The following MDGA2 variants were observed in gnomAD, a reference collection of about 807,000 sequenced individuals.
MDGA2 encodes the protein MAM domain-containing glycosylphosphatidylinositol anchor protein 2.
In MDGA2, 40 loss-of-function variants were observed where a neutral mutation model predicts 117.8. The observed-to-expected ratio is 0.34, with a 90% CI of 0.26 to 0.44. MDGA2 has a LOEUF of 0.44. Among genes scored for constraint, MDGA2 ranks in the 20% least tolerant of loss-of-function variants. The pLI, the probability that MDGA2 is intolerant of heterozygous loss-of-function variation, is 1.00. For synonymous variants in MDGA2, 452 were observed against 439.0 expected, an observed-to-expected ratio of 1.03 and a Z score of -0.37; for missense variants, 1,123 against 1,250.6, an observed-to-expected ratio of 0.90 and a Z score of 1.54.
intron 1 of MDGA2, among the ~76,000 whole-genome samples, chr14:47,558,707 T>C (rs912058036): frequency 8.5e-5 from 13 of 152,188 alleles, no homozygotes; most frequent in Non-Finnish European, 1.6e-4. Context: ...TTATCCTTTT[T>C]ATAAGTGCAT....
intron 1 of MDGA2, among the ~76,000 whole-genome samples, chr14:47,556,560 G>A (rs1895686228): frequency 6.6e-6 from 1 of 152,206 alleles, no homozygotes; most frequent in South Asian, 2.1e-4. Flanking sequence ...AGAGAAACTA[G>A]ATTATGTAAG....
intron 9 of MDGA2, among the ~76,000 whole-genome samples, chr14:46,928,382 A>T (rs10129846): frequency 0.02 from 3,005 of 152,218 alleles, 98 homozygotes; most frequent in African/African-American, 0.068. Context: ...ATTCACTTAT[A>T]AAAGGAAGTC....
intron 1 of MDGA2, among the ~76,000 whole-genome samples, chr14:47,553,379 C>A (rs553897095): frequency 1.4e-3 from 212 of 152,224 alleles, no homozygotes; most frequent in Middle Eastern, 6.8e-3. Context: ...ATGGTCAGTT[C>A]CTTGGAACTC....
intron 1 of MDGA2, among the ~76,000 whole-genome samples, chr14:47,598,971 C>G (rs973308472): frequency 6.6e-6 from 1 of 151,924 alleles, no homozygotes; most frequent in Admixed American, 6.6e-5. Flanking sequence ...TTTTAAAAAT[C>G]TAGACACAAT....
intron 1 of MDGA2, among the ~76,000 whole-genome samples, chr14:47,673,579 TG>T (rs1408255501): frequency 6.6e-6 from 1 of 151,646 alleles, no homozygotes; most frequent in African/African-American, 2.4e-5. Context: ...GGGCACCACC[TG>T]CTTGTCCCAA....
At chr14:47,457,573 T>G (rs1405963481) in intron 1 of MDGA2, among the ~76,000 whole-genome samples, 1 of 152,198 alleles carries the variant, frequency 6.6e-6, no homozygotes, top group Non-Finnish European at 1.5e-5. Flanking sequence ...CATTCTGAGT[T>G]AACTTCTAAC....
chr14:47,120,531 C>G (rs762415876), intron 5 of MDGA2, among the ~76,000 whole-genome samples: 2 of 152,008 alleles, frequency 1.3e-5, no homozygotes, highest in African/African-American at 2.4e-5. Context: ...TCTTCAGGAA[C>G]AGAAGAGTAG....
At chr14:47,173,279 G>C (rs1413440581) in intron 3 of MDGA2, among the ~76,000 whole-genome samples, 2 of 152,082 alleles carry the variant, frequency 1.3e-5, no homozygotes, top group Non-Finnish European at 2.9e-5. Flanking sequence ...CCAACGTTCA[G>C]ATTCAGGAAA....
intron 1 of MDGA2, among the ~76,000 whole-genome samples, chr14:47,489,650 A>G (rs1894129308): frequency 6.6e-6 from 1 of 152,058 alleles, no homozygotes; most frequent in African/African-American, 2.4e-5. Flanking sequence ...TTAAAATGCT[A>G]TTTATCTGAT....
chr14:47,649,183 C>A (rs1897591357), intron 1 of MDGA2, among the ~76,000 whole-genome samples: 1 of 151,654 alleles, frequency 6.6e-6, no homozygotes, highest in Non-Finnish European at 1.5e-5. Context: ...GTATTTTTTT[C>A]TTCTTAATAA....
chr14:47,642,403 C>G (rs1897444499), intron 1 of MDGA2, among the ~76,000 whole-genome samples: 1 of 152,072 alleles, frequency 6.6e-6, no homozygotes, highest in South Asian at 2.1e-4. Context: ...CAAAACATGA[C>G]TTTGCAGCAT....
At chr14:46,898,683 C>T (rs4900718) in intron 10 of MDGA2, among the ~76,000 whole-genome samples, 57,651 of 151,784 alleles carry the variant, frequency 0.38, 12,014 homozygotes, top group African/African-American at 0.54. Flanking sequence ...CTTTAAAGAA[C>T]ACAACCAAAG....
intron 9 of MDGA2, among the ~76,000 whole-genome samples, chr14:46,944,677 T>G (rs971181078): frequency 6.6e-6 from 1 of 151,994 alleles, no homozygotes; most frequent in Non-Finnish European, 1.5e-5. Context: ...TCTTTCAATT[T>G]GTTTTCAATT....
intron 1 of MDGA2, among the ~76,000 whole-genome samples, chr14:47,581,238 T>C (rs1202180415): frequency 2.6e-5 from 4 of 151,950 alleles, no homozygotes; most frequent in Non-Finnish European, 1.5e-5. Flanking sequence ...TTTTAGAAAG[T>C]AGTTCTCAAC....
Position 46,957,398 on chromosome 14 carries a change from C to T in MDGA2, c.2065G>A (p.Gly689Arg). The change falls in exon 9 of 17, where the codon GGG becomes AGG. Residue 689 changes from glycine to arginine, a missense_variant. Gly to Arg is a moderately radical substitution (Grantham distance 125). Around this residue, in one of 2 missense-constraint regions of MDGA2, gnomAD observed 890 missense variants for 1,050.3 expected, o/e 0.85. Coordinates refer to ENST00000399232, the MANE Select transcript of MDGA2 (RefSeq NM_001113498.3). ...NCSIINEAGA[G>R]RCSFLVTGKA... ...CCTGTAACAAGAAAGCTGCATCTCCCAGCTCCAGCTTCATTTATGATGCTA... is the reference window on the plus strand; with the variant it reads ...CCTGTAACAAGAAAGCTGCATCTCCTAGCTCCAGCTTCATTTATGATGCTA... 6.2e-7 allele frequency: 1 copy of T among 1,613,764 alleles called. No homozygotes were observed. The highest frequency in any genetic ancestry group is 8.5e-7 in the Non-Finnish European group (1 of 1,179,766).
chr14:47,621,826 C>T (rs1470865405), intron 1 of MDGA2, among the ~76,000 whole-genome samples: 1 of 152,232 alleles, frequency 6.6e-6, no homozygotes, highest in Non-Finnish European at 1.5e-5. Context: ...AGCTGAACCA[C>T]AGCCAACATA....
intron 3 of MDGA2, among the ~76,000 whole-genome samples, chr14:47,198,520 G>A (rs1169502541): frequency 6.6e-6 from 1 of 152,050 alleles, no homozygotes; most frequent in Admixed American, 6.5e-5. Flanking sequence ...TGCAGTGAGC[G>A]GGGATTGTGC....
intron 15 of MDGA2, among the ~76,000 whole-genome samples, chr14:46,846,625 C>G (rs1487940958): frequency 6.6e-6 from 1 of 152,030 alleles, no homozygotes; most frequent in Admixed American, 6.6e-5. Context: ...ACAATAGAAG[C>G]ACAATTAGCA....
At chr14:47,298,144 G>A (rs956729001) in intron 2 of MDGA2, among the ~76,000 whole-genome samples, 3 of 152,138 alleles carry the variant, frequency 2.0e-5, no homozygotes, top group Non-Finnish European at 4.4e-5. Context: ...CTGAGGCACA[G>A]AAAGCTGGGA....
Sources: allele counts gnomAD v4.1 joint callset (sites outside exome capture counted in the v4.1 genomes callset), GRCh38; gene constraint gnomAD v4.1.1; regional missense constraint gnomAD v4.1.1; transcripts MANE v1.5; gene names NCBI Gene and HGNC (gene_info 2026-07-23, HGNC 2026-07-21).